Variants in RALYL observed in about 807,000 individuals in gnomAD.
RALYL encodes RNA-binding Raly-like protein.
Under a neutral mutation model 35.1 loss-of-function variants are expected in RALYL, and 29 were observed. The ratio of observed to expected loss-of-function variants is 0.83; its 90% confidence interval spans 0.61 to 1.13. The LOEUF (loss-of-function observed/expected upper bound fraction) is 1.13, where lower values mean the gene tolerates loss of function less well. Among genes scored for constraint, RALYL ranks in the 50% most tolerant of loss-of-function variants. The probability of loss-of-function intolerance (pLI) is 0.00; values close to 1 mark genes in which losing one functional copy is unlikely to be tolerated. For missense variants in RALYL, 359 were observed against 360.4 expected (o/e 1.00, Z 0.03); for synonymous variants, 120 against 127.6 (o/e 0.94, Z 0.40).
chr8:84,210,150 T>C (rs1024522106), intron 1 of RALYL, among the ~76,000 whole-genome samples: 2 of 152,092 alleles, frequency 1.3e-5, no homozygotes. Context: ...ACCCTACTTC[T>C]TTATATGCTG....
intron 1 of RALYL, among the ~76,000 whole-genome samples, chr8:84,241,749 G>A (rs1453182398): frequency 6.9e-6 from 1 of 144,132 alleles, no homozygotes; most frequent in Non-Finnish European, 1.5e-5. Flanking sequence ...CTGCACTCCA[G>A]CCTGGACAAT....
chr8:84,278,616 G>C (rs1423495050), intron 1 of RALYL, among the ~76,000 whole-genome samples: 1 of 152,106 alleles, frequency 6.6e-6, no homozygotes, highest in East Asian at 1.9e-4. Context: ...TCTTCTACCA[G>C]ATACCCTAAA....
At chr8:84,235,773 T>C (rs921651816) in intron 1 of RALYL, among the ~76,000 whole-genome samples, 3 of 148,136 alleles carry the variant, frequency 2.0e-5, no homozygotes, top group Admixed American at 6.7e-5. Flanking sequence ...TTTTCTTTTT[T>C]TTTTTTTTTT....
intron 1 of RALYL, among the ~76,000 whole-genome samples, chr8:84,512,220 ATTG>A (rs1470007098): frequency 1.3e-5 from 2 of 151,588 alleles, no homozygotes; most frequent in Admixed American, 1.3e-4. Flanking sequence ...TGTTGTTGTT[ATTG>A]TTGTTATCTT....
chr8:84,384,585 T>C (rs1479404455), intron 1 of RALYL, among the ~76,000 whole-genome samples: 1 of 151,824 alleles, frequency 6.6e-6, no homozygotes, highest in African/African-American at 2.4e-5. Flanking sequence ...CATAGCTTCC[T>C]TTCTCCCATA....
chr8:84,409,594 T>G (rs1475644586), intron 1 of RALYL, among the ~76,000 whole-genome samples: 1 of 152,060 alleles, frequency 6.6e-6, no homozygotes, highest in Non-Finnish European at 1.5e-5. Context: ...AATAATAATT[T>G]CTGTATATTA....
intron 2 of RALYL, among the ~76,000 whole-genome samples, chr8:84,607,113 A>C (rs1454947392): frequency 6.6e-6 from 1 of 152,074 alleles, no homozygotes; most frequent in East Asian, 1.9e-4. Flanking sequence ...TAAAACCCAA[A>C]CAATATCTAT....
At chr8:84,574,288 G>A (rs1808781601) in intron 2 of RALYL, among the ~76,000 whole-genome samples, 1 of 152,058 alleles carries the variant, frequency 6.6e-6, no homozygotes, top group Non-Finnish European at 1.5e-5. Context: ...CCAGTCCTTT[G>A]TGAATTCTGA....
chr8:84,391,154 T>G (rs989228874), intron 1 of RALYL, among the ~76,000 whole-genome samples: 1 of 152,008 alleles, frequency 6.6e-6, no homozygotes, highest in Non-Finnish European at 1.5e-5. Flanking sequence ...TTCCCTTGGA[T>G]AACATCTCAT....
chr8:84,392,274 A>G (rs1860867505), intron 1 of RALYL, among the ~76,000 whole-genome samples: 1 of 152,038 alleles, frequency 6.6e-6, no homozygotes. Flanking sequence ...AATCCCAGGG[A>G]CCTTTAAGGA....
At chr8:84,589,478 T>A (rs563527969) in intron 2 of RALYL, among the ~76,000 whole-genome samples, 1 of 152,340 alleles carries the variant, frequency 6.6e-6, no homozygotes, top group Admixed American at 6.5e-5. Context: ...ATTAATTACA[T>A]GAAAACCATT....
Position 84,757,785 on chromosome 8 carries a change from G to A in RALYL, c.257-16794G>A, listed in dbSNP as rs190653447. On this transcript the variant is annotated intron_variant, in intron 2 of 8. Transcript: ENST00000521268. ...AAAGTCAACATAAAAGTGTCTTAGCGTGAATGGTTATTTTCTTTCTTTAAT... is the reference window on the plus strand; with the variant it reads ...AAAGTCAACATAAAAGTGTCTTAGCATGAATGGTTATTTTCTTTCTTTAAT... Among the ~76,000 whole-genome samples the A allele has an allele frequency of 9.3e-3, 1,418 of 152,238 alleles. 12 individuals are homozygous for A. The highest frequency in any genetic ancestry group is 0.014 in the Non-Finnish European group (931 of 68,012).
At chr8:84,911,055 T>C (rs1847430115) in intron 8 of RALYL, among the ~76,000 whole-genome samples, 1 of 152,114 alleles carries the variant, frequency 6.6e-6, no homozygotes, top group Non-Finnish European at 1.5e-5. Context: ...AGTATTGATA[T>C]ATTAGATTGA....
At chr8:84,794,911 G>A (rs770007373) in intron 3 of RALYL, among the ~76,000 whole-genome samples, 3 of 152,222 alleles carry the variant, frequency 2.0e-5, no homozygotes, top group Non-Finnish European at 4.4e-5. Flanking sequence ...AATTTCCAAT[G>A]TGGCAAAAGT....
chr8:84,706,362 AG>A (rs1171534237), intron 2 of RALYL, among the ~76,000 whole-genome samples: 8 of 152,146 alleles, frequency 5.3e-5, no homozygotes, highest in Non-Finnish European at 1.2e-4. Context: ...ATCACTGGAC[AG>A]TTCTCTTTTT....
intron 1 of RALYL, among the ~76,000 whole-genome samples, chr8:84,469,840 G>T (rs1246639808): frequency 4.6e-5 from 7 of 152,120 alleles, no homozygotes; most frequent in Non-Finnish European, 1.0e-4. Flanking sequence ...ATAATCTCGT[G>T]GTGCGCTGTT....
intron 2 of RALYL, among the ~76,000 whole-genome samples, chr8:84,646,560 TG>T (rs1827540314): frequency 6.6e-6 from 1 of 152,080 alleles, no homozygotes; most frequent in Non-Finnish European, 1.5e-5. Flanking sequence ...TCAAAATAGT[TG>T]TGTGTGGATG....
At chr8:84,339,289 A>G (rs1848354359) in intron 1 of RALYL, among the ~76,000 whole-genome samples, 1 of 152,064 alleles carries the variant, frequency 6.6e-6, no homozygotes, top group South Asian at 2.1e-4. Context: ...GCACAGTGGG[A>G]GATGAGTAAC....
intron 2 of RALYL, among the ~76,000 whole-genome samples, chr8:84,543,685 A>G (rs187227841): frequency 6.6e-6 from 1 of 152,100 alleles, no homozygotes; most frequent in Non-Finnish European, 1.5e-5. Context: ...CACCATATTT[A>G]TGTTGGTTTC....
Sources: allele counts gnomAD v4.1 joint callset (sites outside exome capture counted in the v4.1 genomes callset), GRCh38; gene constraint gnomAD v4.1.1; transcripts MANE v1.5; gene names NCBI Gene and HGNC (gene_info 2026-07-23, HGNC 2026-07-21).